Variants in HDAC9 observed in about 807,000 individuals in gnomAD.
HDAC9 encodes MEF-2 interacting transcription repressor (MITR) protein.
Under a neutral mutation model 139.4 loss-of-function variants are expected in HDAC9, and 41 were observed. The ratio of observed to expected loss-of-function variants is 0.29; its 90% CI spans 0.23 to 0.38. The LOEUF is 0.38. HDAC9 is among the 10% of genes least tolerant of loss of function. The pLI is 1.00. For synonymous variants in HDAC9, 517 were observed against 476.2 expected (o/e 1.09, Z -1.12); for missense variants, 1,147 against 1,297.0 (o/e 0.88, Z 1.78).
At chr7:18,260,277 C>T (rs188372547) in intron 2 of HDAC9, among the ~76,000 whole-genome samples, 4 of 147,418 alleles carry the variant, frequency 2.7e-5, no homozygotes, top group Non-Finnish European at 4.5e-5. Context: ...CTAGCATTTA[C>T]GGGGTGCTAA....
At chr7:18,213,877 CTT>C (rs1486104255) in intron 2 of HDAC9, among the ~76,000 whole-genome samples, 2 of 152,104 alleles carry the variant, frequency 1.3e-5, no homozygotes, top group East Asian at 3.8e-4. Context: ...TGAAGGATCT[CTT>C]GAGTCATAAT....
rs1296475721 is a variant in HDAC9 at position 18,743,047 on chromosome 7, A to T, written c.1910-5958A>T. On this transcript the variant is annotated intron_variant, in intron 13 of 25. Transcript: ENST00000686413. ...AAGCAGTATGAATGATATTTTCTTC[A>T]TAATATCCGTAGTATATTCTCAACG... Among the ~76,000 whole-genome samples the T allele has an allele frequency of 3.9e-5, 6 of 152,326 alleles. 1 individual carries two copies. Among genetic ancestry groups the T allele is most frequent in the African/African-American group, 1.4e-4 (6 of 41,588 alleles).
At chr7:18,638,386 G>C (rs1215068234) in intron 8 of HDAC9, among the ~76,000 whole-genome samples, 1 of 152,074 alleles carries the variant, frequency 6.6e-6, no homozygotes, top group Non-Finnish European at 1.5e-5. Flanking sequence ...GACAGAAGTA[G>C]GAGGAGAATT....
Position 18,894,277 on chromosome 7 carries a change from G to A in HDAC9, c.2803+19681G>A, listed in dbSNP as rs1382145853. Among the ~76,000 whole-genome samples, 5 of 152,240 alleles carry A rather than the reference G, an allele frequency of 3.3e-5. No homozygotes were observed. In the East Asian group the frequency reaches 9.6e-4, roughly 29 times the overall value. On this transcript the variant is annotated intron_variant, in intron 22 of 25. Transcript: ENST00000686413. Reference sequence around the variant, plus strand: ...CCAGATGAGATCACCTAGGGAACAAGTGTAGGTAGAAAAGAGATGCAAAGA... The same window carrying A: ...CCAGATGAGATCACCTAGGGAACAAATGTAGGTAGAAAAGAGATGCAAAGA...
intron 23 of HDAC9, among the ~76,000 whole-genome samples, chr7:18,952,372 C>A (rs1782859496): frequency 6.6e-6 from 1 of 151,892 alleles, no homozygotes; most frequent in Non-Finnish European, 1.5e-5. Flanking sequence ...TATGATCTGC[C>A]TATAGCTTTC....
chr7:18,170,546 A>T (rs551047834), intron 2 of HDAC9, among the ~76,000 whole-genome samples: 2 of 138,702 alleles, frequency 1.4e-5, no homozygotes, highest in South Asian at 5.0e-4. Flanking sequence ...GGTATTGCCT[A>T]GGTTTTCTTC....
chr7:18,942,943 TA>T (rs765297032), intron 23 of HDAC9, among the ~76,000 whole-genome samples: 32 of 150,974 alleles, frequency 2.1e-4, no homozygotes, highest in African/African-American at 6.6e-4. Flanking sequence ...TTTAATAAAA[TA>T]AAAAAAATTA....
intron 22 of HDAC9, among the ~76,000 whole-genome samples, chr7:18,889,709 T>C (rs1800504906): frequency 6.6e-6 from 1 of 152,196 alleles, no homozygotes; most frequent in South Asian, 2.1e-4. Context: ...TTCTTTGTTT[T>C]GTCGTTGAGA....
intron 2 of HDAC9, among the ~76,000 whole-genome samples, chr7:18,236,964 T>C (rs551261890): frequency 6.6e-5 from 10 of 152,308 alleles, no homozygotes; most frequent in Admixed American, 2.0e-4. Flanking sequence ...TGAGACTTTC[T>C]CAGTTTTAAC....
intron 1 of HDAC9, among the ~76,000 whole-genome samples, chr7:18,149,347 A>C (rs776522543): frequency 1.6e-4 from 24 of 148,740 alleles, no homozygotes; most frequent in Non-Finnish European, 3.4e-4. Context: ...AATAATTAAT[A>C]ATTTTTTCTT....
intron 2 of HDAC9, among the ~76,000 whole-genome samples, chr7:18,513,017 A>G (rs542894639): frequency 5.9e-5 from 9 of 152,364 alleles, no homozygotes; most frequent in African/African-American, 1.9e-4. Context: ...ATCACAAATC[A>G]ATGGAAAGAG....
chr7:18,830,855 C>T (rs1360552247), intron 19 of HDAC9, among the ~76,000 whole-genome samples: 1 of 152,176 alleles, frequency 6.6e-6, no homozygotes, highest in Non-Finnish European at 1.5e-5. Flanking sequence ...CAAGATGTTA[C>T]AATTTTACAA....
At chr7:18,333,784 T>C (rs1021787995) in intron 1 of HDAC9, among the ~76,000 whole-genome samples, 2 of 151,424 alleles carry the variant, frequency 1.3e-5, no homozygotes, top group African/African-American at 4.8e-5. Flanking sequence ...TGATAAAATA[T>C]AAAGTTAAAG....
intron 14 of HDAC9, among the ~76,000 whole-genome samples, chr7:18,760,291 A>T (rs530567215): frequency 5.8e-4 from 88 of 152,264 alleles, no homozygotes; most frequent in African/African-American, 2.0e-3. Flanking sequence ...CTGAAATCTC[A>T]CAGTTAAAAC....
chr7:18,659,420 G>A (rs1325844527), intron 11 of HDAC9, among the ~76,000 whole-genome samples: 3 of 152,136 alleles, frequency 2.0e-5, no homozygotes, highest in Non-Finnish European at 4.4e-5. Context: ...CTATAATTAT[G>A]ACCTGAGCAG....
At chr7:18,731,027 G>C (rs1301472474) in intron 13 of HDAC9, among the ~76,000 whole-genome samples, 3 of 152,216 alleles carry the variant, frequency 2.0e-5, no homozygotes, top group African/African-American at 7.2e-5. Context: ...AGAGCATGGA[G>C]CTGCTGGAGA....
intron 1 of HDAC9, among the ~76,000 whole-genome samples, chr7:18,302,525 C>T (rs907973990): frequency 5.9e-5 from 9 of 152,154 alleles, no homozygotes; most frequent in Non-Finnish European, 1.2e-4. Context: ...CTAACTTTAC[C>T]TTTCCAAGTC....
chr7:18,793,603 C>G (rs920197703), intron 17 of HDAC9, among the ~76,000 whole-genome samples, 151 bp downstream of exon 17: 1 of 152,124 alleles, frequency 6.6e-6, no homozygotes, highest in African/African-American at 2.4e-5. Context: ...GTGATAATAA[C>G]TCATCTGTAG....
chr7:18,640,385 A>AAC (rs1554297830), intron 8 of HDAC9, among the ~76,000 whole-genome samples: 19 of 127,142 alleles, frequency 1.5e-4, no homozygotes, highest in African/African-American at 4.0e-4. Context: ...AAAAAAAAAA[A>AAC]AGGAAAAGTA....
Sources: allele counts gnomAD v4.1 joint callset (sites outside exome capture counted in the v4.1 genomes callset), GRCh38; gene constraint gnomAD v4.1.1; transcripts MANE v1.5; gene names NCBI Gene and HGNC (gene_info 2026-07-23, HGNC 2026-07-21).